TEX36: variants seen among roughly 807,000 people sequenced by gnomAD.
The protein encoded by TEX36 is testis expressed 36.
Under a neutral mutation model 13.6 loss-of-function variants are expected in TEX36, and 12 were observed. The ratio of observed to expected loss-of-function variants is 0.88; its 90% CI spans 0.56 to 1.43. The LOEUF is 1.43. Among genes scored for constraint, TEX36 ranks in the 40% most tolerant of loss-of-function variants. The pLI is 0.00. For missense variants in TEX36, 224 were observed against 228.3 expected, an observed-to-expected ratio of 0.98 and a Z score of 0.12; for synonymous variants, 93 against 83.0, an observed-to-expected ratio of 1.12 and a Z score of -0.65.
chr10:125,621,803 G>T (rs1846432438), intron 3 of TEX36, among the ~76,000 whole-genome samples: 2 of 152,286 alleles, frequency 1.3e-5, no homozygotes, highest in South Asian at 4.1e-4. Context: ...AGAATCTGGA[G>T]TATGATGTCC....
chr10:125,651,686 A>G (rs1846862420), downstream of TEX36, among the ~76,000 whole-genome samples: 1 of 152,224 alleles, frequency 6.6e-6, no homozygotes. Flanking sequence ...GTATTCAATT[A>G]GGAAAAGAGG....
intron 3 of TEX36, among the ~76,000 whole-genome samples, chr10:125,626,713 C>T (rs573607476): frequency 6.6e-6 from 1 of 152,104 alleles, no homozygotes; most frequent in Non-Finnish European, 1.5e-5. Context: ...GAGGTGGGAA[C>T]TCGGAACCAG....
chr10:125,665,207 T>G (rs1378452269), intron 1 of TEX36, among the ~76,000 whole-genome samples: 1 of 152,216 alleles, frequency 6.6e-6, no homozygotes, highest in Non-Finnish European at 1.5e-5. Flanking sequence ...CTGTTTACTC[T>G]TTTGATTGTT....
At chr10:125,620,951 T>C (rs370512139), downstream of TEX36, among the ~76,000 whole-genome samples, 27 of 152,326 alleles carry the variant, frequency 1.8e-4, no homozygotes, top group East Asian at 5.2e-3. Flanking sequence ...GTAGCATGTG[T>C]CAGAATTTCC....
chr10:125,615,430 A>T (rs1290237297), intron 3 of TEX36, among the ~76,000 whole-genome samples: 1 of 151,936 alleles, frequency 6.6e-6, no homozygotes, highest in Non-Finnish European at 1.5e-5. Flanking sequence ...TGTCATAGAT[A>T]GCTCTTATTA....
chr10:125,629,344 A>T (rs1174675975), intron 3 of TEX36, among the ~76,000 whole-genome samples: 1 of 152,262 alleles, frequency 6.6e-6, no homozygotes, highest in African/African-American at 2.4e-5. Context: ...TTCTTGAAGA[A>T]ATTGAGGCGA....
In TEX36 at chr10:125,607,096, C is replaced by G. The variant is rs552178003; in HGVS notation, c.265-30222G>C. ...CTTAATTTCTCTTTTCTCTAGATCA[C>G]TTGGGTGCTGCAGTCCTGGAAGATA... On this transcript the variant is annotated intron_variant, in intron 3 of 3. Coordinates refer to the TEX36 transcript ENST00000532135. 5.9e-5 allele frequency among the ~76,000 whole-genome samples: 9 copies of G among 152,312 alleles called. No individual in the cohort carries two copies. In the South Asian group the frequency reaches 1.9e-3, roughly 32 times the overall value.
chr10:125,634,903 T>C (rs775221652), intron 3 of TEX36, among the ~76,000 whole-genome samples: 6 of 152,158 alleles, frequency 3.9e-5, no homozygotes, highest in Admixed American at 6.5e-5. Flanking sequence ...AAGATGAAGC[T>C]GTACAAAGAT....
At chr10:125,638,701 C>T (rs1846648299) in intron 3 of TEX36, among the ~76,000 whole-genome samples, 1 of 152,244 alleles carries the variant, frequency 6.6e-6, no homozygotes, top group Non-Finnish European at 1.5e-5. Context: ...CTGGAGATTT[C>T]CCTCTGCCTC....
chr10:125,656,208 A>T lies in TEX36; in HGVS notation c.265-12T>A, dbSNP rs1314235197. The stretch of plus-strand genomic sequence containing the variant: ...TTACGTCCCAGGCCCTGGAGAGAAG[A>T]ATTACAAGATTCGAAGGAAAATATT... On this transcript the variant is annotated splice_polypyrimidine_tract_variant and intron_variant, in intron 3 of 3. Transcript: ENST00000368821. The T allele has an allele frequency of 1.4e-6, 2 of 1,401,678 alleles. No individual in the cohort carries two copies. Among genetic ancestry groups the T allele is most frequent in the African/African-American group, 2.9e-5 (2 of 68,008 alleles). The allele number at this position is 1,401,678 out of a possible 1,614,324, so 86.8% of individuals were successfully genotyped here. A position where few individuals can be genotyped will look rare whatever the true frequency, so the allele number is the denominator to read the frequency against.
downstream of TEX36, among the ~76,000 whole-genome samples, chr10:125,618,942 T>TAA (rs11452140): frequency 0.051 from 2,222 of 43,482 alleles, 256 homozygotes; most frequent in Non-Finnish European, 0.061. Context: ...CCGTCTCTAC[T>TAA]AAAAAAAAAA....
downstream of TEX36, among the ~76,000 whole-genome samples, chr10:125,652,533 C>G (rs1846876441): frequency 6.6e-6 from 1 of 152,098 alleles, no homozygotes; most frequent in East Asian, 1.9e-4. Flanking sequence ...CATAAAAACC[C>G]CAGAAGAAAA....
chr10:125,604,026 T>C (rs1446870772), intron 3 of TEX36, among the ~76,000 whole-genome samples: 1 of 152,162 alleles, frequency 6.6e-6, no homozygotes, highest in Non-Finnish European at 1.5e-5. Flanking sequence ...AGAAAGTGCT[T>C]GCTGGTGAGC....
At chr10:125,576,979 T>C in intron 3 of TEX36, 6 of 1,413,178 alleles carry the variant, frequency 4.2e-6, no homozygotes, top group Non-Finnish European at 5.7e-6. Flanking sequence ...CTGCCCAAGC[T>C]TTAAAAACAC....
At chr10:125,673,485 CT>C (rs1268365719) in intron 1 of TEX36, among the ~76,000 whole-genome samples, 2 of 152,014 alleles carry the variant, frequency 1.3e-5, no homozygotes, top group Non-Finnish European at 2.9e-5. Flanking sequence ...CCAAGGTGTG[CT>C]GATCACTTGA....
chr10:125,630,814 A>G (rs1846543981), intron 3 of TEX36, among the ~76,000 whole-genome samples: 1 of 152,158 alleles, frequency 6.6e-6, no homozygotes, highest in African/African-American at 2.4e-5. Flanking sequence ...AAGATGATCA[A>G]GGGGAGAAGT....
chr10:125,594,047 G>A (rs1417415371), intron 3 of TEX36, among the ~76,000 whole-genome samples: 1 of 152,192 alleles, frequency 6.6e-6, no homozygotes, highest in Admixed American at 6.5e-5. Flanking sequence ...CCTCTCTGGA[G>A]CTCTAAGGAG....
intron 1 of TEX36, chr10:125,667,483 T>G: frequency 1.4e-6 from 1 of 722,210 alleles, no homozygotes; most frequent in Non-Finnish European, 2.6e-6. Flanking sequence ...AGGGGGTGTG[T>G]TCCCCAATCT....
At chr10:125,599,016 C>T (rs999255265) in intron 3 of TEX36, among the ~76,000 whole-genome samples, 5 of 152,262 alleles carry the variant, frequency 3.3e-5, no homozygotes, top group African/African-American at 1.2e-4. Context: ...ATGACCTTGC[C>T]TGCCCCACTC....
Sources: gnomAD v4.1 joint callset for allele counts (sites outside exome capture counted in the v4.1 genomes callset) on GRCh38, gnomAD v4.1.1 for gene constraint, MANE v1.5 for transcripts, NCBI Gene and HGNC (gene_info 2026-07-23, HGNC 2026-07-21) for gene names.